Variants in DPYSL2 observed in about 807,000 individuals in gnomAD.
The protein encoded by DPYSL2 is dihydropyrimidinase like 2.
A neutral mutation model predicts 69.9 loss-of-function variants in DPYSL2; 13 were observed. That is an observed-to-expected ratio of 0.19 (90% CI 0.12 to 0.30). DPYSL2 has a LOEUF of 0.30. Among genes scored for constraint, DPYSL2 ranks in the 10% least tolerant of loss-of-function variants. DPYSL2 has a pLI of 1.00. For missense variants in DPYSL2, 587 were observed against 918.9 expected (o/e 0.64, Z 4.67); for synonymous variants, 326 against 359.1 (o/e 0.91, Z 1.04).
chr8:26,527,543 T>A (rs1808500052), intron 1 of DPYSL2, among the ~76,000 whole-genome samples: 2 of 152,190 alleles, frequency 1.3e-5, no homozygotes. Flanking sequence ...AAGCACCAGG[T>A]CCTTGTCCAA....
rs116078379 is a variant in DPYSL2, at chr8:26,586,687, A to G, written c.628+2704A>G. On this transcript the variant is annotated intron_variant, in intron 3 of 13. Coordinates refer to ENST00000521913, the MANE Select transcript of DPYSL2 (RefSeq NM_001197293.3). The surrounding 1 kb of genome is among the most constrained non-coding windows in gnomAD (Gnocchi z 4.7). ...TTCCTTCTGTTTAGGGACGAGGGAC[A>G]TCCCCCTCTGAGTGCAGCACCTGGC... 1.1e-3 allele frequency among the ~76,000 whole-genome samples: 167 copies of G among 152,260 alleles called. 1 individual carries two copies. Among genetic ancestry groups the G allele is most frequent in the African/African-American group, 3.6e-3 (150 of 41,550 alleles).
rs971571769 is a variant in DPYSL2, at chr8:26,640,140, T to C, written c.1127-3299T>C. 6.6e-6 allele frequency among the ~76,000 whole-genome samples: 1 copy of C among 152,248 alleles called. No individual in the cohort carries two copies. Among genetic ancestry groups the C allele is most frequent in the Admixed American group, 6.5e-5 (1 of 15,286 alleles). ...AGTTCCCACTTTGGATTTGTTCTCC[T>C]GCTTCTCGTCCATGGGAAATGACTG... On this transcript the variant is annotated intron_variant, in intron 8 of 13. Transcript: ENST00000521913. This position sits in a 1 kb window ranked among gnomAD's most constrained non-coding sequence, Gnocchi z 4.2.
At chr8:26,528,759 C>T (rs73678806) in intron 1 of DPYSL2, among the ~76,000 whole-genome samples, 4,274 of 152,200 alleles carry the variant, frequency 0.028, 208 homozygotes, top group African/African-American at 0.096. Flanking sequence ...TGGGAAGCAC[C>T]ACGTTGGGCA....
chr8:26,570,121 T>C (rs758959687), intron 1 of DPYSL2, among the ~76,000 whole-genome samples: 3 of 152,236 alleles, frequency 2.0e-5, no homozygotes, highest in Non-Finnish European at 2.9e-5. Flanking sequence ...GCAAGCAGCC[T>C]GGCTTGGTGT....
rs1440307089 is a variant in DPYSL2 at position 26,593,908 on chromosome 8, G to A, written c.628+9925G>A. Among the ~76,000 whole-genome samples, 1 of 152,144 alleles carries A rather than the reference G, an allele frequency of 6.6e-6. No individual in the cohort carries two copies. Among genetic ancestry groups the A allele is most frequent in the Non-Finnish European group, 1.5e-5 (1 of 68,020 alleles). ...GGACTGGAATCTTTCCTTGTGGGGA[G>A]CCTGTGAGACAAAAATCAAAAGGGC... On this transcript the variant is annotated intron_variant, in intron 3 of 13. Transcript: ENST00000521913. The surrounding 1 kb of genome is among the most constrained non-coding windows in gnomAD (Gnocchi z 5.7).
intron 1 of DPYSL2, among the ~76,000 whole-genome samples, chr8:26,535,948 G>T (rs570602151): frequency 6.7e-6 from 1 of 149,264 alleles, no homozygotes; most frequent in South Asian, 2.1e-4. Context: ...TTGAGATGGG[G>T]TCTCACTCTG....
chr8:26,579,900 A>AG (rs368361479), intron 1 of DPYSL2, among the ~76,000 whole-genome samples: 10 of 149,722 alleles, frequency 6.7e-5, no homozygotes, highest in Non-Finnish European at 1.3e-4. Context: ...AGAAAAAAAA[A>AG]TTAAAAGCAA....
At position 26,624,395 on chromosome 8, in the gene DPYSL2, T is replaced by C; in HGVS notation, c.793+88T>C. On this transcript the variant is annotated intron_variant, in intron 4 of 13. Transcript: ENST00000521913. The surrounding 1 kb of genome is among the most constrained non-coding windows in gnomAD (Gnocchi z 4.7). ...GCCCTGGGAAGAAAGTGATAATGCT[T>C]CCAGATCCCATTTGTGCCTCATGCC... is the stretch of plus-strand genomic sequence containing the variant. The C allele has an allele frequency of 6.6e-7, 1 of 1,503,980 alleles. No individual in the cohort carries two copies. The highest frequency in any genetic ancestry group is 2.0e-4 in the Middle Eastern group (1 of 4,940). 93.2% of individuals were successfully genotyped at this position (1,503,980 alleles called of 1,614,324 possible). A position where few individuals can be genotyped will look rare whatever the true frequency, so the allele number is the denominator to read the frequency against.
At chr8:26,546,653 C>G (rs1390129055) in intron 1 of DPYSL2, among the ~76,000 whole-genome samples, 1 of 152,046 alleles carries the variant, frequency 6.6e-6, no homozygotes. Flanking sequence ...GGCGTGGTGG[C>G]TCACGCCTGT....
chr8:26,575,098 T>C (rs1801305235), intron 1 of DPYSL2, among the ~76,000 whole-genome samples: 1 of 152,248 alleles, frequency 6.6e-6, no homozygotes, highest in South Asian at 2.1e-4. Flanking sequence ...CATGCCCGTC[T>C]GATTTTTGCA....
In DPYSL2 at chr8:26,564,117, T is replaced by A. The variant is rs1243747523; in HGVS notation, c.355-17852T>A. Among the ~76,000 whole-genome samples, 2 of 152,166 alleles carry A rather than the reference T, an allele frequency of 1.3e-5. No individual in the cohort carries two copies. The highest frequency in any genetic ancestry group is 2.9e-5 in the Non-Finnish European group (2 of 68,028). On this transcript the variant is annotated intron_variant, in intron 1 of 13. Transcript: ENST00000521913. This position sits in a 1 kb window ranked among gnomAD's most constrained non-coding sequence, Gnocchi z 4.8. ...GGAAGAAAAAAGGTAGAGGCAATAA[T>A]GTTAAGTATCACAATGAGCTCAGTT...
intron 3 of DPYSL2, among the ~76,000 whole-genome samples, chr8:26,618,481 G>GTTT (rs11287159): frequency 1.1e-5 from 1 of 94,188 alleles, no homozygotes; most frequent in Admixed American, 1.2e-4. Context: ...CCCGGGTAAT[G>GTTT]TTTTTTTTTT....
chr8:26,553,371 C>CG (rs397761175), intron 1 of DPYSL2, among the ~76,000 whole-genome samples: 2 of 150,930 alleles, frequency 1.3e-5, no homozygotes, highest in Non-Finnish European at 3.0e-5. Flanking sequence ...GATCCTCTCC[C>CG]TCCTCCCACC....
intron 1 of DPYSL2, among the ~76,000 whole-genome samples, chr8:26,528,661 G>A (rs1399044962): frequency 3.3e-5 from 5 of 150,398 alleles, no homozygotes; most frequent in South Asian, 2.1e-4. Context: ...AAAAAAGAAA[G>A]AAAAGAAAAG....
Position 26,615,857 on chromosome 8 carries a change from G to A in DPYSL2, c.629-8286G>A, listed in dbSNP as rs147209236. Among the ~76,000 whole-genome samples, 4 of 152,318 alleles carry A rather than the reference G, an allele frequency of 2.6e-5. No homozygotes were observed. In the East Asian group the frequency reaches 7.7e-4, roughly 29 times the overall value. On this transcript the variant is annotated intron_variant, in intron 3 of 13. Coordinates refer to ENST00000521913, the MANE Select transcript of DPYSL2 (RefSeq NM_001197293.3). ...GCATTGCGGGAGAAACAGTATATTT[G>A]TACAAGGCAAGTAGTTCACCCTGTA... is the stretch of plus-strand genomic sequence containing the variant.
intron 1 of DPYSL2, among the ~76,000 whole-genome samples, chr8:26,573,758 A>G (rs1272421996): frequency 1.3e-5 from 2 of 149,824 alleles, no homozygotes. Flanking sequence ...AATCACTTGA[A>G]CCTGGGAGGC....
rs1803091892 is a variant in DPYSL2, at chr8:26,643,240, T to G, written c.1127-199T>G. The G allele has an allele frequency of 2.0e-6, 1 of 508,896 alleles. No homozygotes were observed. The highest frequency in any genetic ancestry group is 3.7e-5 in the Admixed American group (1 of 26,670). 31.5% of individuals were successfully genotyped at this position (508,896 alleles called of 1,614,324 possible). Reference sequence around the variant, plus strand: ...AGAGCAGGGGCTGAAGGTGGAATCTTGGGGAGCTCATGACAGGCTGGCAGA... The same window carrying G: ...AGAGCAGGGGCTGAAGGTGGAATCTGGGGGAGCTCATGACAGGCTGGCAGA... On this transcript the variant is annotated intron_variant, in intron 8 of 13. Coordinates refer to ENST00000521913, the MANE Select transcript of DPYSL2 (RefSeq NM_001197293.3). The surrounding 1 kb of genome is among the most constrained non-coding windows in gnomAD (Gnocchi z 6.5).
intron 8 of DPYSL2, among the ~76,000 whole-genome samples, 172 bp downstream of exon 8, chr8:26,635,072 C>T (rs1376695982): frequency 6.6e-6 from 1 of 152,240 alleles, no homozygotes; most frequent in African/African-American, 2.4e-5. Context: ...CAGTTTCCTC[C>T]TCTGCTCCAC....
Position 26,517,910 on chromosome 8 carries a change from G to A in DPYSL2, c.354+3231G>A, listed in dbSNP as rs1808318738. On this transcript the variant is annotated intron_variant, in intron 1 of 13. Transcript: ENST00000521913. This position sits in a 1 kb window ranked among gnomAD's most constrained non-coding sequence, Gnocchi z 4.2. ...TGTGTTGAATCTCTTCTGGCCCTGG[G>A]AGCCCAGTGCTGTGCTGCCCTCTAA... Among the ~76,000 whole-genome samples, 1 of 152,138 alleles carries A rather than the reference G, an allele frequency of 6.6e-6. No individual in the cohort carries two copies. Among genetic ancestry groups the A allele is most frequent in the Admixed American group, 6.5e-5 (1 of 15,280 alleles).
Sources: gnomAD v4.1 joint callset for allele counts (sites outside exome capture counted in the v4.1 genomes callset) on GRCh38, gnomAD v4.1.1 for gene constraint, Gnocchi (gnomAD v3.1) non-coding constraint, MANE v1.5 for transcripts, NCBI Gene and HGNC (gene_info 2026-07-23, HGNC 2026-07-21) for gene names.